The following KCNJ6 variants were observed in gnomAD, a reference collection of about 807,000 sequenced individuals.
KCNJ6 encodes G protein-activated inward rectifier potassium channel 2.
Under a neutral mutation model 34.2 loss-of-function variants are expected in KCNJ6, and 9 were observed. That is an observed-to-expected ratio of 0.26 (90% CI 0.16 to 0.46). The LOEUF is 0.46. KCNJ6 is among the 20% of genes least tolerant of loss of function. The probability of loss-of-function intolerance (pLI) is 1.00; values close to 1 mark genes in which losing one functional copy is unlikely to be tolerated. For synonymous variants in KCNJ6, 196 were observed against 207.1 expected, an observed-to-expected ratio of 0.95 and a Z score of 0.46; for missense variants, 236 against 531.3, an observed-to-expected ratio of 0.44 and a Z score of 5.46.
chr21:37,715,258 C>T (rs930920552), intron 2 of KCNJ6, 127 bp from the exon 3 acceptor site: 1 of 808,984 alleles, frequency 1.2e-6, no homozygotes, highest in East Asian at 2.7e-5. Context: ...ACAAAGTAGA[C>T]AAAGCCATTT....
rs1424748310 is a variant in KCNJ6 at position 37,612,753 on chromosome 21, A to G, written c.*12406T>C. The stretch of plus-strand genomic sequence containing the variant: ...AAAAAAAAAAAAAAAAAGAGTCTAA[A>G]TACAGACCTAACAAACACTTTTCAC... On this transcript the variant is annotated 3_prime_UTR_variant, in exon 4 of 4. Coordinates refer to ENST00000609713, the MANE Select transcript of KCNJ6 (RefSeq NM_002240.5). The G allele has an allele frequency of 6.6e-6, 1 of 151,498 alleles. No individual in the cohort carries two copies. The highest frequency in any genetic ancestry group is 1.5e-5 in the Non-Finnish European group (1 of 67,898). 9.4% of individuals were successfully genotyped at this position (151,498 alleles called of 1,614,324 possible). A position where few individuals can be genotyped will look rare whatever the true frequency, so the allele number is the denominator to read the frequency against.
At chr21:37,698,137 A>G (rs755932928) in intron 3 of KCNJ6, among the ~76,000 whole-genome samples, 11 of 152,216 alleles carry the variant, frequency 7.2e-5, no homozygotes, top group Admixed American at 2.0e-4. Context: ...TTACTGCGGG[A>G]TCTCTGCTTT....
intron 1 of KCNJ6, among the ~76,000 whole-genome samples, chr21:37,851,822 A>C (rs1276770435): frequency 6.6e-6 from 1 of 152,228 alleles, no homozygotes; most frequent in East Asian, 1.9e-4. Context: ...GTTGACTCTG[A>C]AAGGTGAATA....
At chr21:37,884,342 T>G (rs1293492246) in intron 1 of KCNJ6, among the ~76,000 whole-genome samples, 1 of 152,182 alleles carries the variant, frequency 6.6e-6, no homozygotes, top group Middle Eastern at 3.2e-3. Context: ...TCATGCTTGC[T>G]GGGCTGGCGG....
chr21:37,741,544 C>T (rs1308992327), intron 2 of KCNJ6, among the ~76,000 whole-genome samples: 1 of 152,152 alleles, frequency 6.6e-6, no homozygotes, highest in Non-Finnish European at 1.5e-5. Flanking sequence ...TGTGATGGCT[C>T]TAGATGTTGC....
intron 2 of KCNJ6, chr21:37,719,276 T>A (rs1464352053): frequency 6.6e-6 from 1 of 152,380 alleles, no homozygotes; most frequent in East Asian, 1.9e-4. Flanking sequence ...TGCATGCAGA[T>A]GTTGCAGGGT....
At chr21:37,686,725 C>T (rs2054617438) in intron 3 of KCNJ6, among the ~76,000 whole-genome samples, 1 of 152,040 alleles carries the variant, frequency 6.6e-6, no homozygotes, top group African/African-American at 2.4e-5. Context: ...CCCTGGCCTC[C>T]CAAAGTGCTG....
rs2055314929 is a variant in KCNJ6, at chr21:37,810,061, C to A, written c.25+30597G>T. On this transcript the variant is annotated intron_variant, in intron 2 of 3. Transcript: ENST00000609713. ...CCTACCTAACTAGTAAAATATCTTA[C>A]CACCAGAAATAACAATGTAACATTT... is the stretch of plus-strand genomic sequence containing the variant. 3.3e-5 allele frequency among the ~76,000 whole-genome samples: 5 copies of A among 152,250 alleles called. No individual in the cohort carries two copies. The South Asian group carries it at 1.0e-3, about 32-fold the overall frequency.
intron 3 of KCNJ6, among the ~76,000 whole-genome samples, chr21:37,710,307 C>G (rs965573043): frequency 1.3e-5 from 2 of 152,228 alleles, no homozygotes; most frequent in Admixed American, 1.3e-4. Context: ...GAATCCTTAT[C>G]TTTTAGGGGC....
intron 1 of KCNJ6, among the ~76,000 whole-genome samples, chr21:37,862,214 C>T (rs2055598105): frequency 6.6e-6 from 1 of 152,212 alleles, no homozygotes; most frequent in Admixed American, 6.5e-5. Context: ...CTCTATACAA[C>T]AGTTGAATCC....
intron 3 of KCNJ6, among the ~76,000 whole-genome samples, chr21:37,683,810 G>A (rs1422792359): frequency 3.9e-5 from 6 of 152,164 alleles, no homozygotes; most frequent in East Asian, 1.9e-4. Flanking sequence ...AGGGGAAGGA[G>A]CAATTATGTG....
At position 37,616,552 on chromosome 21, in the gene KCNJ6, A is replaced by T. The variant is rs529972839; in HGVS notation, c.*8607T>A. On this transcript the variant is annotated 3_prime_UTR_variant, in exon 4 of 4. Transcript: ENST00000609713. Reference sequence around the variant, plus strand: ...ATGTATACGCCCAACCATCACTCATAGACTCTCTGGGCAATTATGAAGCAG... The same window carrying T: ...ATGTATACGCCCAACCATCACTCATTGACTCTCTGGGCAATTATGAAGCAG... 7.9e-6 allele frequency: 1 copy of T among 127,370 alleles called. No homozygotes were observed. Among genetic ancestry groups the T allele is most frequent in the African/African-American group, 3.0e-5 (1 of 33,338 alleles). 7.9% of individuals were successfully genotyped at this position (127,370 alleles called of 1,614,324 possible).
intron 1 of KCNJ6, among the ~76,000 whole-genome samples, chr21:37,841,635 T>C (rs2226358): frequency 0.45 from 68,663 of 152,050 alleles, 15,746 homozygotes; most frequent in East Asian, 0.67. Context: ...GATATGGGAA[T>C]ATGATCCTAT....
At chr21:37,750,762 G>A (rs1157119140) in intron 2 of KCNJ6, among the ~76,000 whole-genome samples, 1 of 152,154 alleles carries the variant, frequency 6.6e-6, no homozygotes, top group African/African-American at 2.4e-5. Flanking sequence ...AGAGCATTAG[G>A]AGAAATACCT....
At chr21:37,746,222 G>A (rs2123479742) in intron 2 of KCNJ6, among the ~76,000 whole-genome samples, 1 of 152,314 alleles carries the variant, frequency 6.6e-6, no homozygotes, top group Non-Finnish European at 1.5e-5. Context: ...TAGCAGATGG[G>A]AATGGGGAGA....
chr21:37,884,153 C>T (rs769409434), intron 1 of KCNJ6, among the ~76,000 whole-genome samples: 6 of 152,208 alleles, frequency 3.9e-5, no homozygotes, highest in African/African-American at 7.2e-5. Context: ...TGTCAGGATT[C>T]TTGATTCTCT....
At position 37,885,834 on chromosome 21, in the gene KCNJ6, A is replaced by G. The variant is rs1310775019; in HGVS notation, c.-28+30050T>C. Among the ~76,000 whole-genome samples the G allele has an allele frequency of 3.3e-5, 5 of 152,228 alleles. No individual in the cohort carries two copies. In the East Asian group the frequency reaches 9.6e-4, roughly 29 times the overall value. On this transcript the variant is annotated intron_variant, in intron 1 of 3. Coordinates refer to ENST00000609713, the MANE Select transcript of KCNJ6 (RefSeq NM_002240.5). The stretch of plus-strand genomic sequence containing the variant: ...ACATCTGGAAGCTGTGAGATGATCA[A>G]TGGATGGTACTGCAAGATGCTAAGT...
intron 1 of KCNJ6, among the ~76,000 whole-genome samples, chr21:37,870,698 G>T (rs2055647333): frequency 6.6e-6 from 1 of 151,916 alleles, no homozygotes; most frequent in Non-Finnish European, 1.5e-5. Context: ...CAAATGGTCT[G>T]GTTCCTTTAT....
At chr21:37,855,257 G>A (rs972996830) in intron 1 of KCNJ6, among the ~76,000 whole-genome samples, 1 of 152,114 alleles carries the variant, frequency 6.6e-6, no homozygotes, top group Non-Finnish European at 1.5e-5. Context: ...TCATTATTCT[G>A]AATGCTGCAG....
Sources: allele counts gnomAD v4.1 joint callset (sites outside exome capture counted in the v4.1 genomes callset), GRCh38; gene constraint gnomAD v4.1.1; transcripts MANE v1.5; gene names NCBI Gene and HGNC (gene_info 2026-07-23, HGNC 2026-07-21).